BRD10: variants seen among roughly 807,000 people sequenced by gnomAD.
BRD10 encodes uncharacterized bromodomain-containing protein 10.
the BRD10 span, among the ~76,000 whole-genome samples, chr9:5,916,202 T>G: frequency 6.6e-6 from 1 of 152,204 alleles, no homozygotes; most frequent in African/African-American, 2.4e-5. Context: ...TCAGGTAAAC[T>G]GTTTATCATT....
chr9:5,949,853 T>C, the BRD10 span, among the ~76,000 whole-genome samples: 37 of 152,206 alleles, frequency 2.4e-4, no homozygotes, highest in African/African-American at 8.9e-4. Flanking sequence ...TAGGAAAAAG[T>C]AACTATTAGG....
At chr9:5,914,410 G>GTTTTTTT in the BRD10 span, among the ~76,000 whole-genome samples, 16 of 75,488 alleles carry the variant, frequency 2.1e-4, 1 homozygote, top group African/African-American at 8.8e-4. Flanking sequence ...AATCCAGATG[G>GTTTTTTT]TTTTTTTTTT....
At chr9:5,981,718 A>G in the BRD10 span, among the ~76,000 whole-genome samples, 1 of 152,212 alleles carries the variant, frequency 6.6e-6, no homozygotes, top group African/African-American at 2.4e-5. Flanking sequence ...TTCTATAATA[A>G]TGAAACAACA....
chr9:5,993,006 C>T, the BRD10 span, among the ~76,000 whole-genome samples: 1 of 151,960 alleles, frequency 6.6e-6, no homozygotes, highest in Admixed American at 6.6e-5. Flanking sequence ...TCATGGTTAT[C>T]TAATCTGTTT....
the BRD10 span, among the ~76,000 whole-genome samples, chr9:5,951,521 C>T: frequency 6.6e-6 from 1 of 152,050 alleles, no homozygotes; most frequent in Admixed American, 6.6e-5. Flanking sequence ...GATCTTCTGA[C>T]TAAATATTTC....
At chr9:5,968,218 G>T in the BRD10 span, 1 of 1,612,242 alleles carries the variant, frequency 6.2e-7, no homozygotes, top group Non-Finnish European at 8.5e-7. Flanking sequence ...GTTTCTTGTG[G>T]CTCTGTAGTG....
chr9:5,898,605 C>T, the BRD10 span, among the ~76,000 whole-genome samples: 50 of 152,232 alleles, frequency 3.3e-4, no homozygotes, highest in African/African-American at 9.4e-4. Context: ...TAAGCACTGA[C>T]GGTTTATAGG....
At chr9:5,921,642 T>A in the BRD10 span, 2 of 1,613,976 alleles carry the variant, frequency 1.2e-6, no homozygotes, top group Non-Finnish European at 1.7e-6. Context: ...TCTGACCTTG[T>A]AACAGGGTAA....
chr9:6,007,492 G>A, the BRD10 span: 1 of 1,612,282 alleles, frequency 6.2e-7, no homozygotes, highest in South Asian at 1.1e-5. Context: ...CAGAAAGGGG[G>A]CGGTGAGGCC....
the BRD10 span, among the ~76,000 whole-genome samples, chr9:5,951,624 C>T: frequency 6.6e-6 from 1 of 152,128 alleles, no homozygotes; most frequent in Middle Eastern, 3.2e-3. Flanking sequence ...AATACCATAT[C>T]GCTAGAACTT....
chr9:5,978,577 C>A, the BRD10 span, among the ~76,000 whole-genome samples: 1 of 152,104 alleles, frequency 6.6e-6, no homozygotes, highest in Non-Finnish European at 1.5e-5. Context: ...CTGACAACAA[C>A]AGAATCTCCT....
At chr9:5,954,086 G>A in the BRD10 span, 1 of 1,541,826 alleles carries the variant, frequency 6.5e-7, no homozygotes, top group Middle Eastern at 1.7e-4. Flanking sequence ...TTTAGAGACG[G>A]ATTTTTTTCC....
At chr9:6,000,206 T>C in the BRD10 span, among the ~76,000 whole-genome samples, 3 of 152,140 alleles carry the variant, frequency 2.0e-5, no homozygotes, top group East Asian at 3.8e-4. Flanking sequence ...CTGTAATGCA[T>C]GCTTATTTCT....
At chr9:5,920,448 T>C in the BRD10 span, 66 of 1,613,904 alleles carry the variant, frequency 4.1e-5, no homozygotes, top group African/African-American at 4.3e-4. Flanking sequence ...GCCGTGTGAA[T>C]GGTAGTGCCA....
the BRD10 span, among the ~76,000 whole-genome samples, chr9:5,906,476 C>T: frequency 6.6e-6 from 1 of 152,200 alleles, no homozygotes; most frequent in African/African-American, 2.4e-5. Flanking sequence ...CAAAAGTTTC[C>T]TGCAAGGCAG....
At chr9:5,940,443 T>G in the BRD10 span, among the ~76,000 whole-genome samples, 2 of 152,154 alleles carry the variant, frequency 1.3e-5, no homozygotes, top group African/African-American at 4.8e-5. Context: ...TCCGCCCACC[T>G]TGGCCTCCCA....
At chr9:5,941,125 T>C in the BRD10 span, among the ~76,000 whole-genome samples, 1 of 152,128 alleles carries the variant, frequency 6.6e-6, no homozygotes, top group African/African-American at 2.4e-5. Flanking sequence ...GGGGATTATA[T>C]GAAAAACTTA....
the BRD10 span, chr9:5,929,008 T>C: frequency 5.2e-6 from 6 of 1,152,216 alleles, no homozygotes; most frequent in East Asian, 2.4e-5. Flanking sequence ...TTAAGGACCA[T>C]AAAATAAGTA....
chr9:5,908,821 A>C, the BRD10 span: 1 of 955,612 alleles, frequency 1.0e-6, no homozygotes, highest in African/African-American at 1.6e-5. Flanking sequence ...AATGCAAGCC[A>C]TCTCTAATAA....
Sources: allele counts gnomAD v4.1 joint callset (sites outside exome capture counted in the v4.1 genomes callset), GRCh38; gene constraint gnomAD v4.1.1; transcripts MANE v1.5; gene names NCBI Gene and HGNC (gene_info 2026-07-23, HGNC 2026-07-21).